PPM1L: variants seen among roughly 807,000 people sequenced by gnomAD.
The protein encoded by PPM1L is protein phosphatase 1L.
A neutral mutation model predicts 31.4 loss-of-function variants in PPM1L; 13 were observed. That is an observed-to-expected ratio of 0.41 (90% CI 0.27 to 0.66). The LOEUF (loss-of-function observed/expected upper bound fraction) is 0.66. Ranked by LOEUF, PPM1L falls within the 30% of genes least tolerant of loss-of-function variation. The pLI is 0.29. For synonymous variants in PPM1L, 184 were observed against 175.4 expected, an observed-to-expected ratio of 1.05 and a Z score of -0.39; for missense variants, 326 against 453.7, an observed-to-expected ratio of 0.72 and a Z score of 2.56.
rs1239513355 is a variant in PPM1L, at chr3:161,065,296, C to T, written c.575-107C>T. ...CAGAGTGGCTGGAGTCAAATTCTCA[C>T]CCAGCAGAAGCAATTTTAATGACTG... On this transcript the variant is annotated intron_variant, in intron 2 of 3. Transcript: ENST00000498165. 5.4e-6 allele frequency: 6 copies of T among 1,104,144 alleles called. No individual in the cohort carries two copies. In the East Asian group the frequency reaches 9.7e-5, roughly 18 times the overall value. The allele number at this position is 1,104,144 out of a possible 1,614,324, so 68.4% of individuals were successfully genotyped here. A position where few individuals can be genotyped will look rare whatever the true frequency, so the allele number is the denominator to read the frequency against.
At chr3:160,954,414 T>C (rs1223669946) in intron 1 of PPM1L, among the ~76,000 whole-genome samples, 1 of 151,994 alleles carries the variant, frequency 6.6e-6, no homozygotes, top group Non-Finnish European at 1.5e-5. Context: ...CAGGCTGGAG[T>C]GCAATGGCGG....
chr3:160,806,613 A>G (rs942308779), intron 1 of PPM1L, among the ~76,000 whole-genome samples: 2 of 152,102 alleles, frequency 1.3e-5, no homozygotes, highest in Admixed American at 6.5e-5. Flanking sequence ...ACAGCTTTTA[A>G]AAATCGAAGT....
intron 2 of PPM1L, among the ~76,000 whole-genome samples, chr3:161,015,436 G>A (rs532610062): frequency 2.6e-5 from 4 of 152,262 alleles, no homozygotes; most frequent in South Asian, 2.1e-4. Flanking sequence ...TGTTAATGCT[G>A]GTGCTGACTG....
At chr3:160,796,867 C>G (rs184742673) in intron 1 of PPM1L, among the ~76,000 whole-genome samples, 32 of 152,282 alleles carry the variant, frequency 2.1e-4, no homozygotes, top group African/African-American at 7.2e-4. Flanking sequence ...TTCACTCTCC[C>G]TTCCTGCCTG....
chr3:161,069,166 G>T lies in PPM1L; in HGVS notation c.*9G>T, dbSNP rs1262700695. On this transcript the variant is annotated 3_prime_UTR_variant, in exon 4 of 4. Transcript: ENST00000498165. ...AAACAGAAGAGCAGTGAACCCTTCAGGGGTCTCAGCTGCCTTAGACTAAAG... is the reference window on the plus strand; with the variant it reads ...AAACAGAAGAGCAGTGAACCCTTCATGGGTCTCAGCTGCCTTAGACTAAAG... The T allele has an allele frequency of 6.2e-7, 1 of 1,601,792 alleles. No individual in the cohort carries two copies. The highest frequency in any genetic ancestry group is 8.5e-7 in the Non-Finnish European group (1 of 1,172,726).
chr3:160,846,175 G>A (rs1422150873), intron 1 of PPM1L, among the ~76,000 whole-genome samples: 1 of 152,064 alleles, frequency 6.6e-6, no homozygotes, highest in Non-Finnish European at 1.5e-5. Context: ...CTAAAATAAT[G>A]TACTATAACA....
intron 1 of PPM1L, among the ~76,000 whole-genome samples, chr3:160,907,384 TA>T (rs1170137854): frequency 2.0e-5 from 3 of 152,222 alleles, no homozygotes; most frequent in Non-Finnish European, 4.4e-5. Context: ...TGAAAGTAGT[TA>T]AAACAAATCA....
chr3:160,766,943 G>A (rs944164984), intron 1 of PPM1L, among the ~76,000 whole-genome samples: 1 of 147,614 alleles, frequency 6.8e-6, no homozygotes, highest in African/African-American at 2.7e-5. Context: ...GGCTCCTGAA[G>A]GCAAGTTTGG....
intron 2 of PPM1L, among the ~76,000 whole-genome samples, chr3:161,027,071 C>T (rs1718421557): frequency 6.6e-6 from 1 of 152,188 alleles, no homozygotes; most frequent in Non-Finnish European, 1.5e-5. Flanking sequence ...ATATTGTCTA[C>T]CTCACAGAGC....
intron 1 of PPM1L, among the ~76,000 whole-genome samples, chr3:160,863,380 T>C (rs1282863893): frequency 2.6e-5 from 4 of 152,226 alleles, no homozygotes; most frequent in African/African-American, 7.2e-5. Flanking sequence ...CCTGCTAAGT[T>C]CACTTTTTCC....
At chr3:161,007,771 G>T (rs931765014) in intron 2 of PPM1L, among the ~76,000 whole-genome samples, 4 of 152,106 alleles carry the variant, frequency 2.6e-5, no homozygotes, top group African/African-American at 7.2e-5. Flanking sequence ...ATAGACTTTG[G>T]TTTTTACTGT....
chr3:161,019,369 A>G (rs1015713867), intron 2 of PPM1L, among the ~76,000 whole-genome samples: 1 of 152,086 alleles, frequency 6.6e-6, no homozygotes, highest in South Asian at 2.1e-4. Flanking sequence ...GATTTAAAAA[A>G]TTTTTTTTTG....
Position 160,999,131 on chromosome 3 carries a change from C to T in PPM1L, c.574+37221C>T, listed in dbSNP as rs534730148. Among the ~76,000 whole-genome samples the T allele has an allele frequency of 1.7e-3, 254 of 152,236 alleles. 3 individuals are homozygous for T. The highest frequency in any genetic ancestry group is 2.7e-3 in the Non-Finnish European group (181 of 68,012). Reference sequence around the variant, plus strand: ...ACATTCTTCAGCACATTCTATGTGCCTGTACTCTTTTATTCATTCTACATG... The same window carrying T: ...ACATTCTTCAGCACATTCTATGTGCTTGTACTCTTTTATTCATTCTACATG... On this transcript the variant is annotated intron_variant, in intron 2 of 3. Coordinates refer to ENST00000498165, the MANE Select transcript of PPM1L (RefSeq NM_139245.4).
At chr3:161,000,363 A>C (rs1265243862) in intron 2 of PPM1L, among the ~76,000 whole-genome samples, 4 of 152,238 alleles carry the variant, frequency 2.6e-5, no homozygotes, top group African/African-American at 9.6e-5. Context: ...TCAGGAGCAC[A>C]CACAAAGTTT....
chr3:160,875,524 C>A (rs1712476484), intron 1 of PPM1L, among the ~76,000 whole-genome samples: 1 of 152,238 alleles, frequency 6.6e-6, no homozygotes, highest in South Asian at 2.1e-4. Context: ...GATGAAAATT[C>A]TACTTTTCTT....
At chr3:160,965,708 T>G (rs1428481519) in intron 2 of PPM1L, among the ~76,000 whole-genome samples, 1 of 152,108 alleles carries the variant, frequency 6.6e-6, no homozygotes, top group Non-Finnish European at 1.5e-5. Flanking sequence ...TTCAACTGTT[T>G]AGCTTCTTTC....
intron 1 of PPM1L, among the ~76,000 whole-genome samples, chr3:160,922,320 A>G (rs1714443109): frequency 6.6e-6 from 1 of 152,070 alleles, no homozygotes; most frequent in Admixed American, 6.6e-5. Context: ...AAAAAAATAT[A>G]TTACATATAT....
chr3:161,057,848 T>C (rs1037591945), intron 2 of PPM1L, among the ~76,000 whole-genome samples: 1 of 151,820 alleles, frequency 6.6e-6, no homozygotes, highest in Non-Finnish European at 1.5e-5. Flanking sequence ...TGCCCTTCCT[T>C]AGAGCCAGAA....
At chr3:160,768,806 T>C (rs1715175620) in intron 1 of PPM1L, among the ~76,000 whole-genome samples, 1 of 152,164 alleles carries the variant, frequency 6.6e-6, no homozygotes, top group Non-Finnish European at 1.5e-5. Flanking sequence ...GAGACAGTTA[T>C]TATCTCACAT....
Sources: gnomAD v4.1 joint callset for allele counts (sites outside exome capture counted in the v4.1 genomes callset) on GRCh38, gnomAD v4.1.1 for gene constraint, MANE v1.5 for transcripts, NCBI Gene and HGNC (gene_info 2026-07-23, HGNC 2026-07-21) for gene names.